The following TRHDE variants were observed in gnomAD, a reference collection of about 807,000 sequenced individuals.
TRHDE encodes the protein thyrotropin-releasing hormone-degrading ectoenzyme.
A neutral mutation model predicts 125.7 loss-of-function variants in TRHDE; 72 were observed. The ratio of observed to expected loss-of-function variants is 0.57; its 90% CI spans 0.47 to 0.70. The LOEUF (loss-of-function observed/expected upper bound fraction) is 0.70. Among genes scored for constraint, TRHDE ranks in the 30% least tolerant of loss-of-function variants. The pLI is 0.00. For synonymous variants in TRHDE, 509 were observed against 509.1 expected, an observed-to-expected ratio of 1.00 and a Z score of 0.00; for missense variants, 1,110 against 1,327.1, an observed-to-expected ratio of 0.84 and a Z score of 2.54.
intron 3 of TRHDE, among the ~76,000 whole-genome samples, chr12:72,391,665 A>T (rs1872615157): frequency 6.6e-6 from 1 of 152,130 alleles, no homozygotes. Context: ...AATAATTGGT[A>T]GGTTGATGAT....
chr12:72,094,183 G>T (rs1048833238), intron 1 of TRHDE, among the ~76,000 whole-genome samples: 2 of 152,074 alleles, frequency 1.3e-5, no homozygotes, highest in Non-Finnish European at 2.9e-5. Flanking sequence ...AGTAGGACTG[G>T]TGCTAGAATG....
intron 2 of TRHDE, among the ~76,000 whole-genome samples, chr12:72,219,393 A>C (rs1447665393): frequency 2.6e-5 from 4 of 152,106 alleles, no homozygotes; most frequent in African/African-American, 7.2e-5. Flanking sequence ...TTTTGTTCTC[A>C]TGAAACCCAA....
intron 2 of TRHDE, among the ~76,000 whole-genome samples, chr12:72,365,291 G>C (rs553573340): frequency 1.1e-4 from 16 of 151,810 alleles, no homozygotes; most frequent in Admixed American, 9.8e-4. Context: ...ATGAACAAAA[G>C]CTTTTTCAGG....
intron 12 of TRHDE, among the ~76,000 whole-genome samples, chr12:72,594,508 T>A (rs1449298866): frequency 6.6e-6 from 1 of 151,240 alleles, no homozygotes; most frequent in Non-Finnish European, 1.5e-5. Flanking sequence ...GTGAGTTTTT[T>A]TTTTTTTTTT....
intron 3 of TRHDE, among the ~76,000 whole-genome samples, chr12:72,440,154 G>A (rs1204688634): frequency 2.0e-5 from 3 of 151,806 alleles, no homozygotes; most frequent in African/African-American, 7.2e-5. Context: ...TGTTGTATTC[G>A]ATTTGCTAGT....
intron 2 of TRHDE, among the ~76,000 whole-genome samples, chr12:72,131,279 C>A (rs895017872): frequency 2.6e-5 from 4 of 151,496 alleles, no homozygotes; most frequent in African/African-American, 4.8e-5. Context: ...TCACCGTGTT[C>A]TCCAGGATGG....
At chr12:72,536,148 G>A (rs917316814) in intron 6 of TRHDE, among the ~76,000 whole-genome samples, 3 of 152,096 alleles carry the variant, frequency 2.0e-5, no homozygotes, top group Non-Finnish European at 4.4e-5. Flanking sequence ...TTCCTGAAAG[G>A]ACTAAGAAGG....
At position 72,568,554 on chromosome 12, in the gene TRHDE, C is replaced by T. The variant is rs777739544; in HGVS notation, c.2043-14C>T. ...AGTTATTTTTATTCTTAAAGCTTGT[C>T]TTTTATTTTGCAGTTACCTGTGGCA... On this transcript the variant is annotated splice_polypyrimidine_tract_variant and intron_variant, in intron 9 of 18. Coordinates refer to ENST00000261180, the MANE Select transcript of TRHDE (RefSeq NM_013381.3). The T allele has an allele frequency of 9.5e-6, 15 of 1,585,110 alleles. No homozygotes were observed. The Admixed American group carries it at 2.2e-4, about 23-fold the overall frequency.
intron 18 of TRHDE, among the ~76,000 whole-genome samples, chr12:72,658,892 T>C (rs924656264): frequency 1.3e-5 from 2 of 152,166 alleles, no homozygotes; most frequent in Non-Finnish European, 2.9e-5. Context: ...AATACTTACA[T>C]CATCTCTAAG....
chr12:72,293,774 G>A (rs199848573), intron 2 of TRHDE, among the ~76,000 whole-genome samples: 3 of 152,224 alleles, frequency 2.0e-5, no homozygotes, highest in East Asian at 3.9e-4. Flanking sequence ...TGGCACTTTT[G>A]CCTGAGTTTT....
intron 5 of TRHDE, among the ~76,000 whole-genome samples, chr12:72,479,377 G>A (rs1261753057): frequency 6.6e-6 from 1 of 152,032 alleles, no homozygotes; most frequent in Non-Finnish European, 1.5e-5. Flanking sequence ...TAAGTTTCAG[G>A]AAATGAAAAT....
At chr12:72,407,005 C>T (rs1023537458) in intron 3 of TRHDE, among the ~76,000 whole-genome samples, 4 of 152,172 alleles carry the variant, frequency 2.6e-5, no homozygotes, top group African/African-American at 9.7e-5. Flanking sequence ...AAATGACAAG[C>T]TGTTCCGTGA....
intron 3 of TRHDE, among the ~76,000 whole-genome samples, chr12:72,435,352 T>A (rs973457303): frequency 1.9e-4 from 29 of 152,148 alleles, no homozygotes; most frequent in African/African-American, 7.0e-4. Context: ...GGGACTGATG[T>A]CTTTTGATGT....
chr12:72,450,521 A>C (rs180913438), intron 3 of TRHDE, among the ~76,000 whole-genome samples: 1 of 152,044 alleles, frequency 6.6e-6, no homozygotes, highest in Admixed American at 6.6e-5. Context: ...TGCTTTACCT[A>C]CCTCACATAC....
intron 2 of TRHDE, among the ~76,000 whole-genome samples, chr12:72,317,946 G>A (rs1274048685): frequency 6.6e-6 from 1 of 152,128 alleles, no homozygotes; most frequent in Non-Finnish European, 1.5e-5. Context: ...GTAAGAGGTT[G>A]GGGGAGTGGG....
chr12:72,257,726 C>T (rs1469511895), intron 2 of TRHDE: 2 of 152,088 alleles, frequency 1.3e-5, no homozygotes, highest in Non-Finnish European at 2.9e-5. Context: ...TTCTAAAGTT[C>T]CTTCTCTTTT....
intron 15 of TRHDE, among the ~76,000 whole-genome samples, chr12:72,635,739 G>A (rs1469187642): frequency 6.6e-6 from 1 of 151,428 alleles, no homozygotes; most frequent in African/African-American, 2.4e-5. Flanking sequence ...AGTTTTCCCA[G>A]CACCATTTAT....
intron 3 of TRHDE, among the ~76,000 whole-genome samples, chr12:72,425,357 G>A (rs1874139388): frequency 6.6e-6 from 1 of 151,828 alleles, no homozygotes; most frequent in Non-Finnish European, 1.5e-5. Context: ...CTTTATTTTT[G>A]TCTGATTGCT....
chr12:72,092,309 A>G lies in TRHDE; in HGVS notation n.174+4870A>G, dbSNP rs572653297. On this transcript the variant is annotated intron_variant and non_coding_transcript_variant, in intron 1 of 4. Coordinates refer to the TRHDE transcript ENST00000548156. ...CTCTTCTGGAATTGCCTTTAAAGGAAATTTGTAGCTATAAAAGAAAGTCAC... is the reference window on the plus strand; with the variant it reads ...CTCTTCTGGAATTGCCTTTAAAGGAGATTTGTAGCTATAAAAGAAAGTCAC... Among the ~76,000 whole-genome samples, 25 of 152,332 alleles carry G rather than the reference A, an allele frequency of 1.6e-4. No homozygotes were observed. The East Asian group carries it at 4.8e-3, about 29-fold the overall frequency.
Sources: allele counts gnomAD v4.1 joint callset (sites outside exome capture counted in the v4.1 genomes callset), GRCh38; gene constraint gnomAD v4.1.1; transcripts MANE v1.5; gene names NCBI Gene and HGNC (gene_info 2026-07-23, HGNC 2026-07-21).